DCST2: variants seen among roughly 807,000 people sequenced by gnomAD.
DCST2 encodes the protein DC-STAMP domain-containing protein 2.
Under a neutral mutation model 81.8 loss-of-function variants are expected in DCST2, and 64 were observed. That is an observed-to-expected ratio of 0.78 (90% CI 0.64 to 0.96). DCST2 has a LOEUF of 0.96. Ranked by LOEUF, DCST2 falls within the 40% of genes least tolerant of loss-of-function variation. The probability of loss-of-function intolerance (pLI) is 0.00; values close to 1 mark genes in which losing one functional copy is unlikely to be tolerated. For missense variants in DCST2, 945 were observed against 1,001.4 expected (o/e 0.94, Z 0.76); for synonymous variants, 354 against 402.6 (o/e 0.88, Z 1.44).
chr1:155,019,246 T>C (rs1280160480), intron 14 of DCST2, among the ~76,000 whole-genome samples: 1 of 152,212 alleles, frequency 6.6e-6, no homozygotes, highest in African/African-American at 2.4e-5. Flanking sequence ...CGTAGTGTTT[T>C]TTTGCAAAGC....
chr1:155,022,561 G>A (rs770161976), intron 14 of DCST2, among the ~76,000 whole-genome samples: 7 of 151,912 alleles, frequency 4.6e-5, no homozygotes, highest in Non-Finnish European at 1.0e-4. Context: ...TGAGACCCCC[G>A]TCTCTACAAA....
In DCST2 at chr1:155,033,660, TC is replaced by T. The variant is rs752911803; in HGVS notation, c.41del (p.Gly14GlufsTer23). On this transcript the variant is annotated frameshift_variant, in exon 1 of 15. Coordinates refer to ENST00000368424, the MANE Select transcript of DCST2 (RefSeq NM_144622.3). LOFTEE classifies it high-confidence loss of function. ...VMKDVVHPLG[G>X]EEPSMARAVV... ...CAGCTCTCGCCATGCTAGGCTCCTCTCCCCCCAAGGGGTGCACAACATCCTT... is the reference window on the plus strand; with the variant it reads ...CAGCTCTCGCCATGCTAGGCTCCTCTCCCCCAAGGGGTGCACAACATCCTT... 1 of 1,614,024 alleles carries T rather than the reference TC, an allele frequency of 6.2e-7. No individual in the cohort carries two copies. Among genetic ancestry groups the T allele is most frequent in the South Asian group, 1.1e-5 (1 of 91,072 alleles).
At position 155,032,745 on chromosome 1, in the gene DCST2, T is replaced by C. The variant is rs1571553950; in HGVS notation, c.463A>G (p.Ile155Val). 3.7e-6 allele frequency: 6 copies of C among 1,614,142 alleles called. No homozygotes were observed. The highest frequency in any genetic ancestry group is 5.1e-6 in the Non-Finnish European group (6 of 1,179,984). Residue 155 changes from isoleucine (I) to valine (V), a missense_variant, in exon 3 of 15, where the codon ATT becomes GTT. Coordinates refer to ENST00000368424, the MANE Select transcript of DCST2 (RefSeq NM_144622.3). ...LVSALNKIKAIARKTKEVADR... is the reference protein window; with the variant it reads ...LVSALNKIKAVARKTKEVADR... The stretch of plus-strand genomic sequence containing the variant: ...GCCACCTCTTTGGTCTTCCGGGCAA[T>C]AGCTTTAATCTTGTTCAGGGCACCT...
chr1:155,029,964 GGCCCCT>G, intron 7 of DCST2, 114 bp downstream of exon 7: 1 of 1,442,854 alleles, frequency 6.9e-7, no homozygotes, highest in Admixed American at 2.3e-5. Flanking sequence ...TCCTCCCTCT[GGCCCCT>G]GCCCCAAGCC....
In DCST2 at chr1:155,031,562, T is replaced by C. The variant is rs186146984; in HGVS notation, c.739+12A>G. 6,495 of 1,200,498 alleles carry C rather than the reference T, an allele frequency of 5.4e-3. 21 individuals carry two copies. The highest frequency in any genetic ancestry group is 6.1e-3 in the Non-Finnish European group (5,613 of 913,588). The allele number at this position is 1,200,498 out of a possible 1,614,324, so 74.4% of individuals were successfully genotyped here. ...TCGGCTCCTCCCCGCTGGCAGACCC[T>C]GGTTTTCTCACGGCTGGCAAGTCCA... On this transcript the variant is annotated intron_variant, in intron 4 of 14. Transcript: ENST00000368424.
intron 14 of DCST2, 90 bp downstream of exon 14, chr1:155,023,027 G>A (rs2242193): frequency 0.46 from 702,696 of 1,517,620 alleles, 171,266 homozygotes; most frequent in East Asian, 0.91. Flanking sequence ...CCCTGGCAAA[G>A]GTCCAGACAC....
At chr1:155,026,846 A>G in intron 8 of DCST2, 131 bp from the exon 9 acceptor site, 1 of 1,101,484 alleles carries the variant, frequency 9.1e-7, no homozygotes, top group Non-Finnish European at 1.3e-6. Context: ...GGGGCCTCTG[A>G]TGCCTCAGGC....
At position 155,026,537 on chromosome 1, in the gene DCST2, G is replaced by A. The variant is rs1659915749; in HGVS notation, c.1510+11C>T. ...TCCACGCCCCCAGGGACCTCAGGGT[G>A]TAGTTGATACCAATGACTATGTAGC... On this transcript the variant is annotated intron_variant, in intron 9 of 14. Coordinates refer to ENST00000368424, the MANE Select transcript of DCST2 (RefSeq NM_144622.3). 1.9e-6 allele frequency: 3 copies of A among 1,613,988 alleles called. No homozygotes were observed. Among genetic ancestry groups the A allele is most frequent in the Admixed American group, 1.7e-5 (1 of 60,006 alleles).
In DCST2 at chr1:155,029,222, T is replaced by C. The variant is rs772340292; in HGVS notation, c.1342+11A>G. On this transcript the variant is annotated intron_variant, in intron 8 of 14. Transcript: ENST00000368424. The stretch of plus-strand genomic sequence containing the variant: ...GGGTGAGTGGGAGGAGGCTGTCACG[T>C]AGGCACTCACTGCGGGCCACAATCT... 1.4e-5 allele frequency: 23 copies of C among 1,612,322 alleles called. No homozygotes were observed. The highest frequency in any genetic ancestry group is 1.9e-5 in the Non-Finnish European group (23 of 1,179,584).
intron 3 of DCST2, 64 bp from the exon 4 acceptor site, chr1:155,031,835 G>A: frequency 6.6e-7 from 1 of 1,525,760 alleles, no homozygotes; most frequent in Middle Eastern, 2.2e-4. Context: ...CAGGGTTTTG[G>A]GGAACAATAC....
At chr1:155,028,800 G>A (rs1008725612) in intron 8 of DCST2, among the ~76,000 whole-genome samples, 1 of 151,050 alleles carries the variant, frequency 6.6e-6, no homozygotes, top group Admixed American at 6.6e-5. Context: ...TTAAACCTGG[G>A]AGGCGGAGGC....
Position 155,024,561 on chromosome 1 carries a change from T to C in DCST2, c.1653A>G (p.Arg551=). 1 of 1,609,642 alleles carries C rather than the reference T, an allele frequency of 6.2e-7. No homozygotes were observed. Among genetic ancestry groups the C allele is most frequent in the Non-Finnish European group, 8.5e-7 (1 of 1,177,928 alleles). The part of the protein sequence containing the change: ...SYLYNVLLSR[R]TNLLAALHRS... Reference sequence around the variant, plus strand: ...GGTGCAGGGCAGCCAACAGATTGGTTCGGCGGCTCAGAAGTACATTGTACA... The same window carrying C: ...GGTGCAGGGCAGCCAACAGATTGGTCCGGCGGCTCAGAAGTACATTGTACA... The change falls in exon 11 of 15, where the codon CGA becomes CGG. Residue 551 remains arginine (R), a synonymous_variant. Transcript: ENST00000368424.
intron 10 of DCST2, among the ~76,000 whole-genome samples, chr1:155,025,888 T>C (rs1659892696): frequency 1.3e-5 from 2 of 151,784 alleles, no homozygotes; most frequent in South Asian, 4.2e-4. Flanking sequence ...CTTTTTTTTT[T>C]AATAGAGACA....
At position 155,023,268 on chromosome 1, in the gene DCST2, CTCTCA is replaced by C; in HGVS notation, c.1965-16_1965-12del. 1 of 1,614,090 alleles carries C rather than the reference CTCTCA, an allele frequency of 6.2e-7. No homozygotes were observed. The highest frequency in any genetic ancestry group is 8.5e-7 in the Non-Finnish European group (1 of 1,179,978). ...TCATCGCTGGAGTCCCTGGAGAAGA[CTCTCA>C]TCTCAGTGGCCTGCAGACATCCTGG... is the stretch of plus-strand genomic sequence containing the variant. On this transcript the variant is annotated splice_polypyrimidine_tract_variant and intron_variant, in intron 13 of 14. Transcript: ENST00000368424.
Position 155,018,771 on chromosome 1 carries a change from G to A in DCST2, c.2106-11C>T. The A allele has an allele frequency of 6.2e-7, 1 of 1,611,022 alleles. No individual in the cohort carries two copies. Among genetic ancestry groups the A allele is most frequent in the Non-Finnish European group, 8.5e-7 (1 of 1,179,300 alleles). On this transcript the variant is annotated splice_polypyrimidine_tract_variant and intron_variant, in intron 14 of 14. Coordinates refer to ENST00000368424, the MANE Select transcript of DCST2 (RefSeq NM_144622.3). ...TCCTCATCCAGGTCACTAGTGAGGA[G>A]AGGAAGGGGGTGGCCGGATCACCCA... is the stretch of plus-strand genomic sequence containing the variant.
In DCST2 at chr1:155,024,070, A is replaced by G. The variant is rs577826062; in HGVS notation, c.1743-111T>C. 27 of 1,411,362 alleles carry G rather than the reference A, an allele frequency of 1.9e-5. No individual in the cohort carries two copies. The East Asian group carries it at 4.2e-4, about 22-fold the overall frequency. 87.4% of individuals were successfully genotyped at this position (1,411,362 alleles called of 1,614,324 possible). ...AGGACTTCCTGACTTCCTGCAGTAC[A>G]TCCTCCATCCCTCTGATTTCAGCAG... On this transcript the variant is annotated intron_variant, in intron 11 of 14. Transcript: ENST00000368424.
chr1:155,023,656 T>G (rs1296574273), intron 12 of DCST2, 176 bp downstream of exon 12: 1 of 1,552,418 alleles, frequency 6.4e-7, no homozygotes, highest in Non-Finnish European at 8.7e-7. Flanking sequence ...AAGGCAAGCA[T>G]GGAGAAAATG....
chr1:155,030,711 G>A, intron 5 of DCST2, 66 bp from the exon 6 acceptor site: 5 of 1,561,562 alleles, frequency 3.2e-6, no homozygotes, highest in Non-Finnish European at 4.4e-6. Flanking sequence ...GCTGCCCCTG[G>A]GGAGGGGCCT....
chr1:155,024,565 C>T lies in DCST2; in HGVS notation c.1649G>A (p.Arg550His), dbSNP rs751026527. The change falls in exon 11 of 15, where the codon CGC (arginine) becomes CAC (histidine). Residue 550 changes from arginine (R) to histidine (H), a missense_variant. Arg to His is a conservative substitution (Grantham distance 29). Coordinates refer to ENST00000368424, the MANE Select transcript of DCST2 (RefSeq NM_144622.3). ...CAGGGCAGCCAACAGATTGGTTCGG[C>T]GGCTCAGAAGTACATTGTACAGGTA... ...ISYLYNVLLS[R>H]RTNLLAALHR... The T allele has an allele frequency of 1.9e-5, 31 of 1,609,036 alleles. No homozygotes were observed. Among genetic ancestry groups the T allele is most frequent in the East Asian group, 2.2e-5 (1 of 44,626 alleles).
Sources: allele counts gnomAD v4.1 joint callset (sites outside exome capture counted in the v4.1 genomes callset), GRCh38; gene constraint gnomAD v4.1.1; transcripts MANE v1.5; gene names NCBI Gene and HGNC (gene_info 2026-07-23, HGNC 2026-07-21).